C12orf42: variants seen among roughly 807,000 people sequenced by gnomAD.
C12orf42 encodes chromosome 12 open reading frame 42, also known as uncharacterized protein C12orf42.
Under a neutral mutation model 21.6 loss-of-function variants are expected in C12orf42, and 25 were observed. That is an observed-to-expected ratio of 1.16 (90% CI 0.84 to 1.62). The LOEUF (loss-of-function observed/expected upper bound fraction) is 1.62, where lower values mean the gene tolerates loss of function less well. Ranked by LOEUF, C12orf42 falls within the 40% of genes most tolerant of loss-of-function variation. C12orf42 has a pLI of 0.00. For missense variants in C12orf42, 483 were observed against 459.3 expected, an observed-to-expected ratio of 1.05 and a Z score of -0.47; for synonymous variants, 174 against 175.0, an observed-to-expected ratio of 0.99 and a Z score of 0.05.
intron 2 of C12orf42, among the ~76,000 whole-genome samples, chr12:103,418,771 G>GA (rs150840705): frequency 0.059 from 8,910 of 150,378 alleles, 254 homozygotes; most frequent in Middle Eastern, 0.12. Context: ...CAGATAGGCA[G>GA]AAAAAAATGC....
chr12:103,089,619 CTGTGTGTG>C, the C12orf42 span, among the ~76,000 whole-genome samples: 2,795 of 145,578 alleles, frequency 0.019, 81 homozygotes, highest in African/African-American at 0.066. Context: ...GTGTGTGTGT[CTGTGTGTG>C]TGTGTGTGTG....
chr12:103,176,459 G>T, the C12orf42 span, among the ~76,000 whole-genome samples: 76 of 152,180 alleles, frequency 5.0e-4, 1 homozygote, highest in East Asian at 1.2e-3. Context: ...TGCACATAAG[G>T]GTTTATCGGA....
At chr12:103,378,802 G>A (rs995824099) in intron 3 of C12orf42, 4 of 152,134 alleles carry the variant, frequency 2.6e-5, no homozygotes, top group African/African-American at 9.7e-5. Context: ...TCTGGAAAAT[G>A]AGATTTAAGA....
upstream of C12orf42, among the ~76,000 whole-genome samples, chr12:103,499,425 A>C (rs866753632): frequency 3.9e-5 from 6 of 152,292 alleles, no homozygotes; most frequent in South Asian, 6.2e-4. Context: ...AATGTTTTTT[A>C]AGGAAAGTTA....
downstream of C12orf42, among the ~76,000 whole-genome samples, chr12:103,264,891 G>GC (rs2035086908): frequency 6.6e-6 from 1 of 151,892 alleles, no homozygotes; most frequent in African/African-American, 2.4e-5. Flanking sequence ...TATGAGAATG[G>GC]CCCCAAGCAA....
At chr12:103,529,187 AATC>A in the C12orf42 span, among the ~76,000 whole-genome samples, 1 of 152,210 alleles carries the variant, frequency 6.6e-6, no homozygotes, top group Non-Finnish European at 1.5e-5. Flanking sequence ...TCTGGTGTCA[AATC>A]ATCACAATGA....
chr12:103,553,276 C>T, the C12orf42 span, among the ~76,000 whole-genome samples: 1 of 152,130 alleles, frequency 6.6e-6, no homozygotes, highest in Admixed American at 6.6e-5. Context: ...CTGGTCGAAT[C>T]CTACCTTTTC....
chr12:103,302,054 G>A lies in C12orf42; in HGVS notation c.*54C>T. The A allele has an allele frequency of 6.5e-7, 1 of 1,544,378 alleles. No homozygotes were observed. The highest frequency in any genetic ancestry group is 8.8e-7 in the Non-Finnish European group (1 of 1,134,936). ...TCTGAGGCCCTTTCTGTTGTTCTGA[G>A]CAGGCATTGATTTGAAGATGGGCAG... is the stretch of plus-strand genomic sequence containing the variant. On this transcript the variant is annotated 3_prime_UTR_variant, in exon 6 of 6. Transcript: ENST00000548883.
chr12:103,360,330 A>ATGC (rs2043981662), intron 4 of C12orf42, among the ~76,000 whole-genome samples: 1 of 151,710 alleles, frequency 6.6e-6, no homozygotes, highest in Admixed American at 6.6e-5. Flanking sequence ...CAGAACCACA[A>ATGC]TGCTGCTCAT....
chr12:103,338,935 A>G lies in C12orf42; in HGVS notation c.259+29952T>C, dbSNP rs549194502. ...CACAGACACCTAGCCACAAGGCACA[A>G]GCATATCTTGATCTTCTCCTAAAGA... On this transcript the variant is annotated intron_variant, in intron 4 of 5. Transcript: ENST00000548883. 3.5e-4 allele frequency among the ~76,000 whole-genome samples: 53 copies of G among 152,332 alleles called. 1 individual carries two copies. In the South Asian group the frequency reaches 1.0e-2, roughly 29 times the overall value.
chr12:103,118,539 C>T, the C12orf42 span, among the ~76,000 whole-genome samples: 2 of 152,102 alleles, frequency 1.3e-5, no homozygotes, highest in East Asian at 1.9e-4. Context: ...TGGCTCATGC[C>T]TGTAATCCCA....
the C12orf42 span, among the ~76,000 whole-genome samples, chr12:103,073,915 G>T: frequency 6.6e-6 from 1 of 152,102 alleles, no homozygotes; most frequent in Non-Finnish European, 1.5e-5. Flanking sequence ...GGGGATTGCA[G>T]AGGTTAACAT....
chr12:103,052,676 T>C, the C12orf42 span, among the ~76,000 whole-genome samples: 17 of 152,102 alleles, frequency 1.1e-4, no homozygotes, highest in Admixed American at 1.1e-3. Context: ...TTATTAACTA[T>C]AATTTTTATT....
chr12:103,495,063 G>C (rs561881926), intron 1 of C12orf42, among the ~76,000 whole-genome samples: 12 of 152,272 alleles, frequency 7.9e-5, no homozygotes, highest in Non-Finnish European at 1.3e-4. Context: ...GGGACAGGGT[G>C]GGGGCGGCGG....
chr12:103,519,985 C>T, the C12orf42 span, among the ~76,000 whole-genome samples: 1 of 152,192 alleles, frequency 6.6e-6, no homozygotes, highest in Non-Finnish European at 1.5e-5. Context: ...ATGGGCACCA[C>T]AGGGAGATGT....
the C12orf42 span, chr12:103,550,333 T>C: frequency 6.6e-6 from 1 of 152,188 alleles, no homozygotes; most frequent in Non-Finnish European, 1.5e-5. Flanking sequence ...CTTTTCCTGT[T>C]AAAACTGTCT....
chr12:103,179,100 T>A, the C12orf42 span, among the ~76,000 whole-genome samples: 1 of 152,222 alleles, frequency 6.6e-6, no homozygotes, highest in Non-Finnish European at 1.5e-5. Flanking sequence ...ACCTGCTTTT[T>A]GGGGCCTATT....
chr12:103,295,705 AATG>A (rs907154928), intron 4 of C12orf42, among the ~76,000 whole-genome samples: 8 of 152,116 alleles, frequency 5.3e-5, no homozygotes, highest in Admixed American at 2.0e-4. Context: ...TTGCATAAAT[AATG>A]ATAATATACG....
the C12orf42 span, among the ~76,000 whole-genome samples, chr12:103,050,217 C>T: frequency 4.4e-3 from 560 of 126,800 alleles, 1 homozygote; most frequent in African/African-American, 0.016. Flanking sequence ...TCTTTTCTCA[C>T]AGGTGTGTGT....
Sources: gnomAD v4.1 joint callset for allele counts (sites outside exome capture counted in the v4.1 genomes callset) on GRCh38, gnomAD v4.1.1 for gene constraint, MANE v1.5 for transcripts, NCBI Gene and HGNC (gene_info 2026-07-23, HGNC 2026-07-21) for gene names.